Variants in TACC1 observed in about 807,000 individuals in gnomAD.
TACC1 encodes the protein transforming acidic coiled-coil containing protein 1.
Under a neutral mutation model 84.4 loss-of-function variants are expected in TACC1, and 48 were observed. That is an observed-to-expected ratio of 0.57 (90% CI 0.45 to 0.72). The LOEUF (loss-of-function observed/expected upper bound fraction) is 0.72. TACC1 is among the 30% of genes least tolerant of loss of function. TACC1 has a pLI of 0.00. For synonymous variants in TACC1, 372 were observed against 376.3 expected (o/e 0.99, Z 0.13); for missense variants, 920 against 973.0 (o/e 0.95, Z 0.72).
chr8:38,785,019 T>C (rs1214608311), upstream of TACC1, among the ~76,000 whole-genome samples: 1 of 151,992 alleles, frequency 6.6e-6, no homozygotes, highest in Non-Finnish European at 1.5e-5. Flanking sequence ...TCTTTATGGA[T>C]GTTCGGGGTA....
At chr8:38,820,705 T>C in intron 3 of TACC1, 70 bp downstream of exon 3, 1 of 1,542,800 alleles carries the variant, frequency 6.5e-7, no homozygotes, top group Non-Finnish European at 8.7e-7. Context: ...CAGCTACTTT[T>C]GGCTTTGGTG....
chr8:38,787,234 G>GGGAGTCC (rs1817414191), upstream of TACC1: 5 of 1,008,786 alleles, frequency 5.0e-6, no homozygotes, highest in Non-Finnish European at 5.9e-6. Context: ...GCCGGGAGGC[G>GGGAGTCC]GGAGTCCGCG....
chr8:38,834,254 TC>T (rs1256627633), intron 6 of TACC1, among the ~76,000 whole-genome samples: 2 of 152,212 alleles, frequency 1.3e-5, no homozygotes, highest in African/African-American at 4.8e-5. Flanking sequence ...TTGGCAAGTC[TC>T]GGGTCCCCAC....
In TACC1 at chr8:38,819,615, A is replaced by G; in HGVS notation, c.371A>G (p.Gln124Arg). 1 of 1,614,282 alleles carries G rather than the reference A, an allele frequency of 6.2e-7. No homozygotes were observed. Among genetic ancestry groups the G allele is most frequent in the Non-Finnish European group, 8.5e-7 (1 of 1,180,050 alleles). ...AAACCTTCAGAAAATGAAGTGCCAC[A>G]GCAGGCCATTGACTCTCACTCAGTC... ...CSKPSENEVP[Q>R]QAIDSHSVKN... The change falls in exon 3 of 13, where the codon CAG becomes CGG. Residue 124 changes from glutamine to arginine, a missense_variant. This residue lies in a region of TACC1 where 762 missense variants were observed against 747.3 expected (regional missense o/e 1.02). Coordinates refer to ENST00000317827, the MANE Select transcript of TACC1 (RefSeq NM_006283.3).
Position 38,769,803 on chromosome 8 carries a change from A to T in TACC1, c.27-18901A>T, listed in dbSNP as rs1267961883. On this transcript the variant is annotated intron_variant, in intron 3 of 14. Coordinates refer to the TACC1 transcript ENST00000518415. ...GGGTTGGGGGTGTGGTGTGTATATG[A>T]CTGTGTGTGGTGTGTGTATGTATGT... Among the ~76,000 whole-genome samples, 8 of 114,754 alleles carry T rather than the reference A, an allele frequency of 7.0e-5. No homozygotes were observed. In the East Asian group the frequency reaches 2.1e-3, roughly 30 times the overall value. The allele number at this position is 114,754 out of a possible 152,430, so 75.3% of individuals were successfully genotyped here. A position where few individuals can be genotyped will look rare whatever the true frequency, so the allele number is the denominator to read the frequency against.
At chr8:38,806,677 G>A (rs1822824324) in intron 2 of TACC1, among the ~76,000 whole-genome samples, 1 of 152,128 alleles carries the variant, frequency 6.6e-6, no homozygotes, top group South Asian at 2.1e-4. Flanking sequence ...TTCTAGGCCT[G>A]TTTCTTACTG....
At chr8:38,791,291 T>A (rs1818589626) in intron 2 of TACC1, among the ~76,000 whole-genome samples, 1 of 152,178 alleles carries the variant, frequency 6.6e-6, no homozygotes, top group Admixed American at 6.5e-5. Context: ...TAAATGTTTA[T>A]GGATCATGAA....
chr8:38,785,251 T>C (rs1016867761), upstream of TACC1, among the ~76,000 whole-genome samples: 16 of 152,126 alleles, frequency 1.1e-4, no homozygotes, highest in Non-Finnish European at 1.9e-4. Flanking sequence ...TTTCCCAAAT[T>C]TACCCTGTGA....
chr8:38,757,539 C>G (rs1239180875), intron 3 of TACC1: 2 of 1,090,328 alleles, frequency 1.8e-6, no homozygotes. Flanking sequence ...GGGGCACGAG[C>G]GCTCGGCAGC....
chr8:38,752,923 G>C (rs566078037), intron 3 of TACC1, among the ~76,000 whole-genome samples: 1 of 152,186 alleles, frequency 6.6e-6, no homozygotes, highest in South Asian at 2.1e-4. Flanking sequence ...AGTCACTGGG[G>C]ACAGACAACA....
intron 1 of TACC1, among the ~76,000 whole-genome samples, chr8:38,732,432 CAAA>C (rs76146789): frequency 2.0e-5 from 3 of 149,854 alleles, no homozygotes; most frequent in Non-Finnish European, 3.0e-5. Flanking sequence ...ACAACAACAA[CAAA>C]AAAAAACCCA....
chr8:38,829,851 C>T (rs1349448397), intron 5 of TACC1, among the ~76,000 whole-genome samples: 1 of 152,182 alleles, frequency 6.6e-6, no homozygotes, highest in Non-Finnish European at 1.5e-5. Context: ...GGCTGCGGTC[C>T]TGGGTGTGGG....
intron 5 of TACC1, among the ~76,000 whole-genome samples, chr8:38,828,429 T>C (rs896673347): frequency 2.6e-5 from 4 of 152,198 alleles, no homozygotes; most frequent in African/African-American, 9.7e-5. Context: ...TACATGACAT[T>C]AGAGCCTCCA....
At chr8:38,755,234 A>G (rs1809781586) in intron 3 of TACC1, among the ~76,000 whole-genome samples, 1 of 152,106 alleles carries the variant, frequency 6.6e-6, no homozygotes. Flanking sequence ...TTTCTGGAAC[A>G]ACTAAAATGT....
At chr8:38,747,628 AT>A (rs1808309364) in intron 3 of TACC1, among the ~76,000 whole-genome samples, 1 of 152,246 alleles carries the variant, frequency 6.6e-6, no homozygotes, top group Non-Finnish European at 1.5e-5. Flanking sequence ...GGGTCAAACT[AT>A]ACGACATTCT....
chr8:38,774,787 C>T (rs536647628), intron 3 of TACC1, among the ~76,000 whole-genome samples: 20 of 152,138 alleles, frequency 1.3e-4, no homozygotes, highest in South Asian at 6.2e-4. Context: ...CCGAGGCGGG[C>T]GGATCACGAG....
Position 38,819,667 on chromosome 8 carries a change from T to A in TACC1, c.423T>A (p.His141Gln). The change falls in exon 3 of 13, where the codon CAT becomes CAA. Residue 141 changes from histidine to glutamine, a missense_variant. Around this residue, in one of 2 missense-constraint regions of TACC1, gnomAD observed 762 missense variants for 747.3 expected, o/e 1.02. Transcript: ENST00000317827. ...AGAATTTCAGAGAAGAACCTGAACA[T>A]GATTTTAGCAAAATTTCCATCGTGA... ...SVKNFREEPE[H>Q]DFSKISIVRP... The A allele has an allele frequency of 2.5e-6, 4 of 1,614,220 alleles. No individual in the cohort carries two copies. Among genetic ancestry groups the A allele is most frequent in the East Asian group, 2.2e-5 (1 of 44,888 alleles).
intron 2 of TACC1, among the ~76,000 whole-genome samples, chr8:38,795,009 A>G (rs1268848342): frequency 6.6e-6 from 1 of 152,192 alleles, no homozygotes; most frequent in African/African-American, 2.4e-5. Context: ...TTAGCATGAT[A>G]TAGCTACTTT....
chr8:38,819,729 T>C lies in TACC1; in HGVS notation c.485T>C (p.Ile162Thr). ...ATAGAAACGAAGGATTCCACGGATA[T>C]CTCGGCAGTCCTCGGAACAAAAGCA... ...FSIETKDSTD[I>T]SAVLGTKAAH... The change falls in exon 3 of 13, where the codon ATC (isoleucine) becomes ACC (threonine). Residue 162 changes from isoleucine to threonine, a missense_variant. Physicochemically the swap from Ile to Thr is moderately conservative, Grantham distance 89 (BLOSUM62 -1). Transcript: ENST00000317827. 1 of 1,614,156 alleles carries C rather than the reference T, an allele frequency of 6.2e-7. No homozygotes were observed. Among genetic ancestry groups the C allele is most frequent in the Non-Finnish European group, 8.5e-7 (1 of 1,180,046 alleles).
Sources: allele counts gnomAD v4.1 joint callset (sites outside exome capture counted in the v4.1 genomes callset), GRCh38; gene constraint gnomAD v4.1.1; regional missense constraint gnomAD v4.1.1; transcripts MANE v1.5; gene names NCBI Gene and HGNC (gene_info 2026-07-23, HGNC 2026-07-21).